RPS2: variants seen among roughly 807,000 people sequenced by gnomAD.
RPS2 encodes ribosomal protein S2, also known as small ribosomal subunit protein uS5.
In RPS2, 8 loss-of-function variants were observed where a neutral mutation model predicts 25.3. The ratio of observed to expected loss-of-function variants is 0.32; its 90% CI spans 0.19 to 0.57. RPS2 has a LOEUF of 0.57. Among genes scored for constraint, RPS2 ranks in the 20% least tolerant of loss-of-function variants. RPS2 has a pLI of 0.90. For synonymous variants in RPS2, 181 were observed against 161.3 expected, an observed-to-expected ratio of 1.12 and a Z score of -0.92; for missense variants, 229 against 408.1, an observed-to-expected ratio of 0.56 and a Z score of 3.78.
chr16:1,962,865 A>G lies in RPS2; in HGVS notation c.420T>C (p.Gly140=), dbSNP rs770404137. ...IGDYNGHVGL[G]VKCSKEVATA... ...TGGCCACCTCCTTGGAGCACTTAAC[A>G]CCCAGACCGACGTGGCCATTGTAGT... is the stretch of plus-strand genomic sequence containing the variant. The change falls in exon 5 of 7, where the codon GGT becomes GGC. Residue 140 remains glycine (G), a synonymous_variant. Coordinates refer to ENST00000343262, the MANE Select transcript of RPS2 (RefSeq NM_002952.4). 9 of 1,603,146 alleles carry G rather than the reference A, an allele frequency of 5.6e-6. No homozygotes were observed. Among genetic ancestry groups the G allele is most frequent in the East Asian group, 4.5e-5 (2 of 44,872 alleles).
chr16:1,962,279 CAA>C lies in RPS2; in HGVS notation c.710-11_710-10del, dbSNP rs769938354. The C allele has an allele frequency of 1.9e-6, 3 of 1,612,494 alleles. No homozygotes were observed. In the East Asian group the frequency reaches 6.7e-5, roughly 36 times the overall value. On this transcript the variant is annotated splice_polypyrimidine_tract_variant and intron_variant, in intron 6 of 6. Coordinates refer to ENST00000343262, the MANE Select transcript of RPS2 (RefSeq NM_002952.4). The stretch of plus-strand genomic sequence containing the variant: ...ATCAAAGGTGGCCTTGGCTGCAAAA[CAA>C]AAGAACCCCAGGAGGGTCAGTGGTG...
At chr16:1,964,030 C>G (rs6366) in intron 3 of RPS2, 438,967 of 534,348 alleles carry the variant, frequency 0.82, 181,168 homozygotes, top group African/African-American at 0.92. Flanking sequence ...TCAGTTCTTT[C>G]GAAATGAATT....
At chr16:1,963,348 T>G (rs1331047097) in intron 3 of RPS2, 92 bp from the exon 4 acceptor site, 1 of 825,252 alleles carries the variant, frequency 1.2e-6, no homozygotes, top group Non-Finnish European at 1.9e-6. Flanking sequence ...CCGGGGGCGG[T>G]GGCTCAAGCC....
chr16:1,963,607 G>GCCCCCCCCC (rs1206542724), intron 3 of RPS2: 35 of 339,614 alleles, frequency 1.0e-4, no homozygotes, highest in African/African-American at 2.3e-4. Context: ...CTGTGTAACC[G>GCCCCCCCCC]CCCACCCCGC....
At chr16:1,962,692 G>C (rs987413182) in intron 5 of RPS2, 36 bp from the exon 6 acceptor site, 1 of 1,587,582 alleles carries the variant, frequency 6.3e-7, no homozygotes, top group Non-Finnish European at 8.6e-7. Flanking sequence ...GGGGGCCCGA[G>C]GGAGCCTGCC....
rs575459934 is a variant in RPS2 at position 1,962,877 on chromosome 16, G to A, written c.408C>T (p.His136=). The change falls in exon 5 of 7, where the codon CAC becomes CAT. Residue 136 remains histidine, a synonymous_variant. Transcript: ENST00000343262. ...TGGAGCACTTAACACCCAGACCGAC[G>A]TGGCCATTGTAGTCCCCGATAGCAA... The part of the protein sequence containing the change: ...AFVAIGDYNG[H]VGLGVKCSKE... 43 of 1,602,596 alleles carry A rather than the reference G, an allele frequency of 2.7e-5. No individual in the cohort carries two copies. Among genetic ancestry groups the A allele is most frequent in the African/African-American group, 8.0e-5 (6 of 75,050 alleles).
intron 3 of RPS2, chr16:1,963,689 T>C (rs1341391856): frequency 5.0e-6 from 2 of 402,636 alleles, no homozygotes; most frequent in Non-Finnish European, 1.0e-5. Context: ...CGTTTCGTTT[T>C]TGGAAGCTTG....
chr16:1,962,636 A>G lies in RPS2; in HGVS notation c.570T>C (p.Ser190=), dbSNP rs921493705. 6 of 1,605,392 alleles carry G rather than the reference A, an allele frequency of 3.7e-6. No individual in the cohort carries two copies. The highest frequency in any genetic ancestry group is 1.3e-5 in the African/African-American group (1 of 74,628). ...VPCKVTGRCG[S]VLVRLIPAPR... ...GTGCAGGGATGAGGCGTACCAGCACAGAGCCGCAGCGGCCTGTCACCTGGT... is the reference window on the plus strand; with the variant it reads ...GTGCAGGGATGAGGCGTACCAGCACGGAGCCGCAGCGGCCTGTCACCTGGT... The change falls in exon 6 of 7, where the codon TCT becomes TCC. Residue 190 remains serine, a synonymous_variant. Coordinates refer to ENST00000343262, the MANE Select transcript of RPS2 (RefSeq NM_002952.4).
chr16:1,964,419 G>C, intron 2 of RPS2, 30 bp downstream of exon 2: 1 of 1,612,620 alleles, frequency 6.2e-7, no homozygotes, highest in Non-Finnish European at 8.5e-7. Context: ...GCCGCCCAGG[G>C]GCCCGACCCC....
intron 3 of RPS2, 137 bp from the exon 4 acceptor site, chr16:1,963,393 G>A (rs370161261): frequency 2.8e-5 from 17 of 604,526 alleles, no homozygotes; most frequent in Admixed American, 1.8e-4. Context: ...TGAGGTGGGC[G>A]GATCACAAGG....
chr16:1,962,426 G>C, intron 6 of RPS2, 71 bp downstream of exon 6: 1 of 1,465,160 alleles, frequency 6.8e-7, no homozygotes. Context: ...AACACGCCAA[G>C]CACACACTGG....
At position 1,964,589 on chromosome 16, in the gene RPS2, C is replaced by G; in HGVS notation, c.37G>C (p.Gly13Arg). The stretch of plus-strand genomic sequence containing the variant: ...TTCCCCATCCCAGGGCCACCAGGGC[C>G]CCCGGGCCCCCCCGCTGCACCGGCG... ...DDAGAAGGPG[G>R]PGGPGMGNRG... Residue 13 changes from glycine (G) to arginine (R), a missense_variant, in exon 2 of 7, where the codon GGC becomes CGC. Coordinates refer to ENST00000343262, the MANE Select transcript of RPS2 (RefSeq NM_002952.4). 1 of 1,541,528 alleles carries G rather than the reference C, an allele frequency of 6.5e-7. No homozygotes were observed. Among genetic ancestry groups the G allele is most frequent in the East Asian group, 2.4e-5 (1 of 42,408 alleles).
chr16:1,963,030 G>T, intron 4 of RPS2, 119 bp downstream of exon 4: 1 of 1,376,430 alleles, frequency 7.3e-7, no homozygotes, highest in Non-Finnish European at 1.0e-6. Context: ...GAGGTCCTGA[G>T]GAGATCTTTT....
rs769466457 is a variant in RPS2 at position 1,962,562 on chromosome 16, A to G, written c.644T>C (p.Met215Thr). 13 of 1,611,582 alleles carry G rather than the reference A, an allele frequency of 8.1e-6. No individual in the cohort carries two copies. The East Asian group carries it at 1.1e-4, about 14-fold the overall frequency. ...VSAPVPKKLL[M>T]MAGIDDCYTS... is the part of the protein sequence containing the mutation. The stretch of plus-strand genomic sequence containing the variant: ...GTAGCAGTCATCGATACCAGCCATC[A>G]TGAGCAGCTTCTTAGGCACAGGTGC... The change falls in exon 6 of 7, where the codon ATG becomes ACG. Residue 215 changes from methionine (M) to threonine (T), a missense_variant. Physicochemically the swap from Met to Thr is moderately conservative, Grantham distance 81 (BLOSUM62 -1). Around this residue, in one of 7 missense-constraint regions of RPS2, gnomAD observed 79 missense variants for 159.0 expected, o/e 0.50. Coordinates refer to ENST00000343262, the MANE Select transcript of RPS2 (RefSeq NM_002952.4).
chr16:1,964,653 T>C (rs374868950), intron 1 of RPS2, 25 bp from the exon 2 acceptor site: 12 of 1,232,048 alleles, frequency 9.7e-6, no homozygotes, highest in East Asian at 2.5e-5. Context: ...AAGAAGGAAC[T>C]AGTCAGTGTG....
Position 1,964,647 on chromosome 16 carries a change from AG to A in RPS2, c.-3-20del, listed in dbSNP as rs1326845238. The A allele has an allele frequency of 1.5e-6, 2 of 1,307,130 alleles. No homozygotes were observed. The highest frequency in any genetic ancestry group is 1.1e-6 in the Non-Finnish European group (1 of 952,074). 81.0% of individuals were successfully genotyped at this position (1,307,130 alleles called of 1,614,324 possible). A position where few individuals can be genotyped will look rare whatever the true frequency, so the allele number is the denominator to read the frequency against. On this transcript the variant is annotated intron_variant, in intron 1 of 6. Coordinates refer to ENST00000343262, the MANE Select transcript of RPS2 (RefSeq NM_002952.4). ...CCATTTGCTGGGAAAAGCGACAAGA[AG>A]GAACTAGTCAGTGTGGCCTACGCAT...
In RPS2 at chr16:1,963,106, T is replaced by C. The variant is rs1241110734; in HGVS notation, c.375+43A>G. 8 of 1,495,366 alleles carry C rather than the reference T, an allele frequency of 5.3e-6. 1 individual carries two copies. Among genetic ancestry groups the C allele is most frequent in the Non-Finnish European group, 7.5e-6 (8 of 1,073,080 alleles). The allele number at this position is 1,495,366 out of a possible 1,614,324, so 92.6% of individuals were successfully genotyped here. ...GTGCAACTATGCAGAGCCGAGAGAG[T>C]CCCGGCAAGCCCAGCGCAGCCCCCT... On this transcript the variant is annotated intron_variant, in intron 4 of 6. Transcript: ENST00000343262.
At position 1,963,230 on chromosome 16, in the gene RPS2, C is replaced by T; in HGVS notation, c.294G>A (p.Leu98=). The T allele has an allele frequency of 7.1e-6, 11 of 1,543,806 alleles. No homozygotes were observed. The highest frequency in any genetic ancestry group is 9.7e-6 in the Non-Finnish European group (11 of 1,136,670). ...IKESEIIDFF[L]GASLKDEVLK... ...AAACCTCATCCTTGAGAGAGGCCCC[C>T]AGGAAGAAATCAATGATCTCTGATT... The change falls in exon 4 of 7, where the codon CTG becomes CTA. Residue 98 remains leucine (L), a synonymous_variant. Coordinates refer to ENST00000343262, the MANE Select transcript of RPS2 (RefSeq NM_002952.4).
At chr16:1,964,655 G>A in intron 1 of RPS2, 27 bp from the exon 2 acceptor site, 1 of 1,223,174 alleles carries the variant, frequency 8.2e-7, no homozygotes, top group South Asian at 1.5e-5. Context: ...GAAGGAACTA[G>A]TCAGTGTGGC....
Sources: allele counts gnomAD v4.1 joint callset, GRCh38; gene constraint gnomAD v4.1.1; regional missense constraint gnomAD v4.1.1; transcripts MANE v1.5; gene names NCBI Gene and HGNC (gene_info 2026-07-23, HGNC 2026-07-21).